P4HA2: variants seen among roughly 807,000 people sequenced by gnomAD.
P4HA2 encodes the protein prolyl 4-hydroxylase subunit alpha-2.
Under a neutral mutation model 76.9 loss-of-function variants are expected in P4HA2, and 46 were observed. That is an observed-to-expected ratio of 0.60 (90% CI 0.47 to 0.76). P4HA2 has a LOEUF of 0.76. P4HA2 is among the 30% of genes least tolerant of loss of function. P4HA2 has a pLI of 0.00. For synonymous variants in P4HA2, 243 were observed against 254.0 expected (o/e 0.96, Z 0.41); for missense variants, 583 against 669.4 (o/e 0.87, Z 1.42).
Position 132,209,447 on chromosome 5 carries a change from A to G in P4HA2, c.710-116T>C. The stretch of plus-strand genomic sequence containing the variant: ...GCAGCTCACCTGCATGCTGCATTCT[A>G]CCTTCCACAGCATCTAACCAGAGTA... On this transcript the variant is annotated intron_variant, in intron 6 of 14. Transcript: ENST00000360568. 3 of 833,940 alleles carry G rather than the reference A, an allele frequency of 3.6e-6. No homozygotes were observed. In the South Asian group the frequency reaches 4.9e-5, roughly 14 times the overall value. 51.7% of individuals were successfully genotyped at this position (833,940 alleles called of 1,614,324 possible).
chr5:132,210,573 G>A (rs1752941409), intron 5 of P4HA2, 50 bp from the exon 6 acceptor site: 1 of 1,605,618 alleles, frequency 6.2e-7, no homozygotes, highest in Non-Finnish European at 8.5e-7. Flanking sequence ...TCTGGATTAG[G>A]GAAAGAGATT....
rs548197747 is a variant in P4HA2, at chr5:132,222,822, A to G, written c.-18-4178T>C. Among the ~76,000 whole-genome samples the G allele has an allele frequency of 6.6e-5, 10 of 152,348 alleles. No individual in the cohort carries two copies. In the East Asian group the frequency reaches 1.5e-3, roughly 23 times the overall value. Reference sequence around the variant, plus strand: ...CCCACCTGGGTACCATCACCACCACAAAGTCTTGCTTCAGTAACTAGACAA... The same window carrying G: ...CCCACCTGGGTACCATCACCACCACGAAGTCTTGCTTCAGTAACTAGACAA... On this transcript the variant is annotated intron_variant, in intron 1 of 14. Coordinates refer to ENST00000360568, the MANE Select transcript of P4HA2 (RefSeq NM_001017974.2).
At chr5:132,224,034 T>G (rs973015976) in intron 1 of P4HA2, among the ~76,000 whole-genome samples, 1 of 152,220 alleles carries the variant, frequency 6.6e-6, no homozygotes, top group Non-Finnish European at 1.5e-5. Context: ...AGCAGGTCCA[T>G]GACACGCCTG....
chr5:132,216,462 G>T (rs533313741), intron 4 of P4HA2, among the ~76,000 whole-genome samples: 1 of 152,180 alleles, frequency 6.6e-6, no homozygotes, highest in Admixed American at 6.5e-5. Context: ...CATATCCAAT[G>T]ACTTGACCCA....
chr5:132,208,099 G>C (rs905129259), intron 7 of P4HA2, among the ~76,000 whole-genome samples: 1 of 151,524 alleles, frequency 6.6e-6, no homozygotes, highest in Non-Finnish European at 1.5e-5. Flanking sequence ...CTTGAGACCA[G>C]GAGTTTGGGA....
Position 132,192,303 on chromosome 5 carries a change from G to C in P4HA2, c.*707C>G, listed in dbSNP as rs1270799338. ...CATATTTTTTTAAGTATACATCTGT[G>C]TATCATGAACAATTCTTATCTCAAA... On this transcript the variant is annotated 3_prime_UTR_variant, in exon 15 of 15. Transcript: ENST00000360568. The C allele has an allele frequency of 6.6e-6, 1 of 152,142 alleles. No individual in the cohort carries two copies. Among genetic ancestry groups the C allele is most frequent in the Non-Finnish European group, 1.5e-5 (1 of 68,034 alleles). The allele number at this position is 152,142 out of a possible 1,614,324, so 9.4% of individuals were successfully genotyped here.
rs183136953 is a variant in P4HA2 at position 132,197,395 on chromosome 5, G to T, written c.1365+926C>A. Among the ~76,000 whole-genome samples, 1,202 of 152,174 alleles carry T rather than the reference G, an allele frequency of 7.9e-3. 12 individuals carry two copies. The Middle Eastern group carries it at 0.086, about 11-fold the overall frequency. The stretch of plus-strand genomic sequence containing the variant: ...GGCCGAGGGGGGCGGATCACCTGAG[G>T]TCGGGAGTTTGAGACCAGCCTGGCC... On this transcript the variant is annotated intron_variant, in intron 12 of 14. Transcript: ENST00000360568.
At chr5:132,218,807 G>C (rs1439506081) in intron 1 of P4HA2, 163 bp from the exon 2 acceptor site, 3 of 555,290 alleles carry the variant, frequency 5.4e-6, no homozygotes, top group Non-Finnish European at 9.9e-6. Context: ...AAAGAACAAA[G>C]AGCGTGCAGC....
chr5:132,215,032 A>G (rs1331648531), intron 4 of P4HA2, among the ~76,000 whole-genome samples: 2 of 151,916 alleles, frequency 1.3e-5, no homozygotes, highest in East Asian at 1.9e-4. Context: ...TCCTTCCCCA[A>G]CCTCTTCCCA....
intron 5 of P4HA2, among the ~76,000 whole-genome samples, chr5:132,213,715 C>CTAA (rs2126604306): frequency 6.6e-6 from 1 of 152,252 alleles, no homozygotes; most frequent in East Asian, 1.9e-4. Flanking sequence ...AGGGCCTTGG[C>CTAA]TAATACATGG....
chr5:132,190,769 T>C lies in P4HA2; in HGVS notation c.*2241A>G, dbSNP rs372126421. Among the ~76,000 whole-genome samples the C allele has an allele frequency of 6.6e-6, 1 of 151,992 alleles. No individual in the cohort carries two copies. The highest frequency in any genetic ancestry group is 6.5e-5 in the Admixed American group (1 of 15,278). On this transcript the variant is annotated 3_prime_UTR_variant, in exon 15 of 15. Coordinates refer to ENST00000360568, the MANE Select transcript of P4HA2 (RefSeq NM_001017974.2). ...TGTTTATCAAAAGACAGAACTAAAA[T>C]AGTGAAAAGACAAGCCACAGAAGAT...
At position 132,210,489 on chromosome 5, in the gene P4HA2, G is replaced by A; in HGVS notation, c.504C>T (p.Asp168=). 6.2e-7 allele frequency: 1 copy of A among 1,614,046 alleles called. No homozygotes were observed. The highest frequency in any genetic ancestry group is 8.5e-7 in the Non-Finnish European group (1 of 1,179,974). ...AGGCCGAGCGGCCCATCCCAAAGCAGTCATCCACACTCAGCATTGCCTGGT... is the reference window on the plus strand; with the variant it reads ...AGGCCGAGCGGCCCATCCCAAAGCAATCATCCACACTCAGCATTGCCTGGT... The part of the protein sequence containing the change: ...TKYQAMLSVD[D]CFGMGRSAYN... The change falls in exon 6 of 15, where the codon GAC becomes GAT. Residue 168 remains aspartate (D), a synonymous_variant. Transcript: ENST00000360568.
In P4HA2 at chr5:132,191,294, C is replaced by G. The variant is rs1355746767; in HGVS notation, c.*1716G>C. The stretch of plus-strand genomic sequence containing the variant: ...TTGGGAGGCCGAGGCGGGCGGATCA[C>G]GAGGTCAGGAGATCGAGACCATCCC... On this transcript the variant is annotated 3_prime_UTR_variant, in exon 15 of 15. Coordinates refer to ENST00000360568, the MANE Select transcript of P4HA2 (RefSeq NM_001017974.2). Among the ~76,000 whole-genome samples, 2 of 151,992 alleles carry G rather than the reference C, an allele frequency of 1.3e-5. No homozygotes were observed. The highest frequency in any genetic ancestry group is 4.8e-5 in the African/African-American group (2 of 41,402).
rs1749801694 is a variant in P4HA2 at position 132,190,326 on chromosome 5, A to G, written c.*2684T>C. 6.6e-6 allele frequency among the ~76,000 whole-genome samples: 1 copy of G among 152,214 alleles called. No homozygotes were observed. The highest frequency in any genetic ancestry group is 2.4e-5 in the African/African-American group (1 of 41,456). On this transcript the variant is annotated 3_prime_UTR_variant, in exon 15 of 15. Coordinates refer to ENST00000360568, the MANE Select transcript of P4HA2 (RefSeq NM_001017974.2). ...CTTGTAGTCTCTACTGTTCTACTGT[A>G]GCTGCCACTCTGTAAACTACATTTC...
chr5:132,194,127 T>A (rs1039787578), intron 14 of P4HA2, among the ~76,000 whole-genome samples: 1 of 152,148 alleles, frequency 6.6e-6, no homozygotes, highest in African/African-American at 2.4e-5. Context: ...CTCCCACCTT[T>A]CCAGTACAGG....
intron 10 of P4HA2, chr5:132,203,307 C>G (rs1751767042): frequency 5.9e-6 from 1 of 168,816 alleles, no homozygotes; most frequent in East Asian, 1.5e-4. Context: ...CCTGCTGCTG[C>G]TTTTGGAGCA....
At chr5:132,219,360 C>G (rs1215111765) in intron 1 of P4HA2, among the ~76,000 whole-genome samples, 1 of 152,186 alleles carries the variant, frequency 6.6e-6, no homozygotes, top group Non-Finnish European at 1.5e-5. Context: ...CCTGCAGATG[C>G]CAGGCACTGA....
intron 10 of P4HA2, chr5:132,200,986 T>C (rs1352014139): frequency 6.6e-6 from 1 of 152,236 alleles, no homozygotes; most frequent in African/African-American, 2.4e-5. Context: ...TTTGCAGCAG[T>C]AAGATTCCCT....
rs1749825978 is a variant in P4HA2, at chr5:132,190,670, T to C, written c.*2340A>G. 6.6e-6 allele frequency among the ~76,000 whole-genome samples: 1 copy of C among 152,104 alleles called. No individual in the cohort carries two copies. Among genetic ancestry groups the C allele is most frequent in the Non-Finnish European group, 1.5e-5 (1 of 68,022 alleles). The stretch of plus-strand genomic sequence containing the variant: ...CATGATCTTGGGGTATAGAAGGATT[T>C]CTCAAATAAGACATAAAAAACATAA... On this transcript the variant is annotated 3_prime_UTR_variant, in exon 15 of 15. Coordinates refer to ENST00000360568, the MANE Select transcript of P4HA2 (RefSeq NM_001017974.2).
Sources: gnomAD v4.1 joint callset for allele counts (sites outside exome capture counted in the v4.1 genomes callset) on GRCh38, gnomAD v4.1.1 for gene constraint, MANE v1.5 for transcripts, NCBI Gene and HGNC (gene_info 2026-07-23, HGNC 2026-07-21) for gene names.